PCDHGB7: variants seen among roughly 807,000 people sequenced by gnomAD.
PCDHGB7 encodes the protein protocadherin gamma subfamily B, 7.
A neutral mutation model predicts 61.4 loss-of-function variants in PCDHGB7; 37 were observed. The ratio of observed to expected loss-of-function variants is 0.60; its 90% CI spans 0.46 to 0.79. PCDHGB7 has a LOEUF of 0.79. Among genes scored for constraint, PCDHGB7 ranks in the 30% least tolerant of loss-of-function variants. The pLI is 0.00. For missense variants in PCDHGB7, 1,166 were observed against 1,202.5 expected, an observed-to-expected ratio of 0.97 and a Z score of 0.45; for synonymous variants, 464 against 503.5, an observed-to-expected ratio of 0.92 and a Z score of 1.05.
chr5:141,450,776 C>G (rs757791026), intron 1 of PCDHGB7, among the ~76,000 whole-genome samples: 1 of 151,440 alleles, frequency 6.6e-6, no homozygotes, highest in Non-Finnish European at 1.5e-5. Flanking sequence ...CATGAGCCAC[C>G]GTGCCCGGAC....
At position 141,417,882 on chromosome 5, in the gene PCDHGB7, G is replaced by A. The variant is rs1170069976; in HGVS notation, c.23G>A (p.Arg8Lys). The A allele has an allele frequency of 5.1e-6, 8 of 1,560,746 alleles. No homozygotes were observed. Among genetic ancestry groups the A allele is most frequent in the African/African-American group, 1.4e-5 (1 of 73,570 alleles). The change falls in exon 1 of 4, where the codon AGG becomes AAG. Residue 8 changes from arginine (R) to lysine (K), a missense_variant. Coordinates refer to ENST00000398594, the MANE Select transcript of PCDHGB7 (RefSeq NM_018927.4). Reference protein sequence around the residue: MGGSCAQRRRAGPRQVLF... With the variant: MGGSCAQKRRAGPRQVLF... ...ACGATGGGAGGGAGCTGCGCGCAGA[G>A]GCGCCGGGCCGGCCCGCGGCAGGTA...
In PCDHGB7 at chr5:141,431,543, C is replaced by T. The variant is rs1334234544; in HGVS notation, c.2415+11269C>T. The T allele has an allele frequency of 1.9e-6, 3 of 1,614,128 alleles. No individual in the cohort carries two copies. The highest frequency in any genetic ancestry group is 2.5e-6 in the Non-Finnish European group (3 of 1,180,036). ...GAATCTGGCCTTGGGCACGCAGCTGCTTGTAGTCAACGCTACCGACCCTGA... is the reference window on the plus strand; with the variant it reads ...GAATCTGGCCTTGGGCACGCAGCTGTTTGTAGTCAACGCTACCGACCCTGA... On this transcript the variant is annotated intron_variant, in intron 1 of 3. Transcript: ENST00000398594. This position sits in a 1 kb window ranked among gnomAD's most constrained non-coding sequence, Gnocchi z 4.8.
intron 3 of PCDHGB7, among the ~76,000 whole-genome samples, chr5:141,510,556 T>TA (rs2099881668): frequency 6.6e-6 from 1 of 152,178 alleles, no homozygotes; most frequent in African/African-American, 2.4e-5. Flanking sequence ...TTTGAGCACT[T>TA]ACATCTACCA....
At chr5:141,422,745 C>G (rs1380262961) in intron 1 of PCDHGB7, 15 of 1,610,564 alleles carry the variant, frequency 9.3e-6, no homozygotes, top group Non-Finnish European at 1.3e-5. Flanking sequence ...CCTCCTATGT[C>G]TCTATTAACT....
chr5:141,506,544 G>GT (rs2099854759), intron 3 of PCDHGB7, among the ~76,000 whole-genome samples: 1 of 151,880 alleles, frequency 6.6e-6, no homozygotes, highest in Non-Finnish European at 1.5e-5. Flanking sequence ...GAGTCCTTAG[G>GT]TAAGTTATTA....
chr5:141,462,388 C>T (rs529638718), intron 1 of PCDHGB7, among the ~76,000 whole-genome samples: 86 of 152,204 alleles, frequency 5.7e-4, no homozygotes, highest in Non-Finnish European at 9.4e-4. Context: ...AATTCGTTAA[C>T]ATTTCTTTTA....
chr5:141,475,928 G>A, intron 1 of PCDHGB7: 1 of 630,590 alleles, frequency 1.6e-6, no homozygotes, highest in Non-Finnish European at 2.7e-6. Context: ...TGGAGATCGG[G>A]CCCCTGCCCG....
rs889945954 is a variant in PCDHGB7, at chr5:141,489,368, C to A, written c.2416-5439C>A. The A allele has an allele frequency of 2.5e-6, 4 of 1,613,384 alleles. No homozygotes were observed. Among genetic ancestry groups the A allele is most frequent in the Non-Finnish European group, 3.4e-6 (4 of 1,179,478 alleles). On this transcript the variant is annotated intron_variant, in intron 1 of 3. Coordinates refer to ENST00000398594, the MANE Select transcript of PCDHGB7 (RefSeq NM_018927.4). The surrounding 1 kb of genome is among the most constrained non-coding windows in gnomAD (Gnocchi z 4.5). ...GTGGTGGAGGAGTCTGAGCCGGGGA[C>A]GCTGGTGGGGAATGTTGCTCAGGAT...
chr5:141,492,084 G>A (rs979755390), intron 1 of PCDHGB7, among the ~76,000 whole-genome samples: 1 of 152,236 alleles, frequency 6.6e-6, no homozygotes, highest in Non-Finnish European at 1.5e-5. Flanking sequence ...GCTCCGGCAC[G>A]CTTCGCCGGT....
intron 1 of PCDHGB7, among the ~76,000 whole-genome samples, chr5:141,454,266 C>T (rs2098785508): frequency 1.3e-5 from 2 of 152,132 alleles, no homozygotes; most frequent in African/African-American, 4.8e-5. Flanking sequence ...AAAGTAATGC[C>T]AGCAAAAACT....
Position 141,489,245 on chromosome 5 carries a change from G to A in PCDHGB7, c.2416-5562G>A, listed in dbSNP as rs773391205. 3 of 1,536,634 alleles carry A rather than the reference G, an allele frequency of 2.0e-6. No homozygotes were observed. The South Asian group carries it at 3.9e-5, about 20-fold the overall frequency. On this transcript the variant is annotated intron_variant, in intron 1 of 3. Transcript: ENST00000398594. The surrounding 1 kb of genome is among the most constrained non-coding windows in gnomAD (Gnocchi z 4.5). The stretch of plus-strand genomic sequence containing the variant: ...CCACAAAGGGACTTCTGGGTCATGG[G>A]GCCCAAGACACTCCCACAGCTCGCT...
intron 1 of PCDHGB7, chr5:141,441,971 G>C: frequency 3.3e-6 from 1 of 298,820 alleles, no homozygotes; most frequent in Admixed American, 4.4e-5. Flanking sequence ...AGGCTCTTCA[G>C]CCTGGAATGC....
At chr5:141,481,216 G>T (rs2099534005) in intron 1 of PCDHGB7, among the ~76,000 whole-genome samples, 3 of 152,110 alleles carry the variant, frequency 2.0e-5, no homozygotes, top group Admixed American at 6.5e-5. Flanking sequence ...ACATGGTAAG[G>T]TCTCCCAGCC....
At chr5:141,482,570 C>A (rs2099568543) in intron 1 of PCDHGB7, among the ~76,000 whole-genome samples, 1 of 144,954 alleles carries the variant, frequency 6.9e-6, no homozygotes, top group African/African-American at 2.6e-5. Context: ...ATCTGCATAG[C>A]ATAAGATGCA....
chr5:141,494,197 C>T (rs73794924), intron 1 of PCDHGB7, among the ~76,000 whole-genome samples: 1,654 of 152,242 alleles, frequency 0.011, 27 homozygotes, highest in African/African-American at 0.037. Flanking sequence ...CTTGGATGCC[C>T]CGCAAAGGCC....
chr5:141,428,091 T>A lies in PCDHGB7; in HGVS notation c.2415+7817T>A, dbSNP rs769710543. 1.1e-5 allele frequency: 17 copies of A among 1,609,000 alleles called. No homozygotes were observed. In the African/African-American group the frequency reaches 1.5e-4, roughly 14 times the overall value. On this transcript the variant is annotated intron_variant, in intron 1 of 3. Transcript: ENST00000398594. ...AGATTCGGGACACAACGCTTGGCTGTCCTACCACGTGCTGCAGGCCATCGA... is the reference window on the plus strand; with the variant it reads ...AGATTCGGGACACAACGCTTGGCTGACCTACCACGTGCTGCAGGCCATCGA...
Position 141,485,298 on chromosome 5 carries a change from G to A in PCDHGB7, c.2416-9509G>A, listed in dbSNP as rs1562104502. 1 of 1,613,978 alleles carries A rather than the reference G, an allele frequency of 6.2e-7. No individual in the cohort carries two copies. On this transcript the variant is annotated intron_variant, in intron 1 of 3. Coordinates refer to ENST00000398594, the MANE Select transcript of PCDHGB7 (RefSeq NM_018927.4). This position sits in a 1 kb window ranked among gnomAD's most constrained non-coding sequence, Gnocchi z 5.7. ...CCGGTCCCAGAGGAGTCACAGGAAG[G>A]GACTTTTGTAGGGAATGTCGCTCAA...
chr5:141,436,877 A>G (rs2097851127), intron 1 of PCDHGB7, among the ~76,000 whole-genome samples: 1 of 152,252 alleles, frequency 6.6e-6, no homozygotes, highest in Admixed American at 6.5e-5. Flanking sequence ...AGGCCATAAA[A>G]GATGGGGGAA....
intron 1 of PCDHGB7, among the ~76,000 whole-genome samples, chr5:141,492,641 G>A (rs2099742804): frequency 6.6e-6 from 1 of 152,226 alleles, no homozygotes; most frequent in African/African-American, 2.4e-5. Flanking sequence ...ACGATCCTTG[G>A]GCCAGAGGTC....
Sources: gnomAD v4.1 joint callset for allele counts (sites outside exome capture counted in the v4.1 genomes callset) on GRCh38, gnomAD v4.1.1 for gene constraint, Gnocchi (gnomAD v3.1) non-coding constraint, MANE v1.5 for transcripts, NCBI Gene and HGNC (gene_info 2026-07-23, HGNC 2026-07-21) for gene names.